RPS6KC1: variants seen among roughly 807,000 people sequenced by gnomAD.
RPS6KC1 encodes the protein ribosomal protein S6 kinase C1.
Under a neutral mutation model 103.8 loss-of-function variants are expected in RPS6KC1, and 54 were observed. That is an observed-to-expected ratio of 0.52 (90% CI 0.42 to 0.65). RPS6KC1 has a LOEUF of 0.65. Ranked by LOEUF, RPS6KC1 falls within the 30% of genes least tolerant of loss-of-function variation. The pLI, the probability that RPS6KC1 is intolerant of heterozygous loss-of-function variation, is 0.00. For synonymous variants in RPS6KC1, 439 were observed against 438.7 expected, an observed-to-expected ratio of 1.00 and a Z score of -0.01; for missense variants, 1,151 against 1,253.8, an observed-to-expected ratio of 0.92 and a Z score of 1.24.
chr1:213,335,095 C>A, the RPS6KC1 span, among the ~76,000 whole-genome samples: 2 of 152,196 alleles, frequency 1.3e-5, no homozygotes, highest in South Asian at 4.1e-4. Context: ...CCATTTTGCA[C>A]ATGTGGGAGC....
At chr1:213,070,912 T>G (rs1391116945) in intron 1 of RPS6KC1, 94 bp from the exon 2 acceptor site, 1 of 782,006 alleles carries the variant, frequency 1.3e-6, no homozygotes, top group Admixed American at 3.3e-5. Flanking sequence ...GCAAATTGAA[T>G]TTTTCATACA....
chr1:213,642,320 T>C, the RPS6KC1 span, among the ~76,000 whole-genome samples: 1 of 152,146 alleles, frequency 6.6e-6, no homozygotes, highest in Admixed American at 6.6e-5. Flanking sequence ...TGCATTCAAT[T>C]GAAGGAAAAG....
At chr1:213,675,441 G>A in the RPS6KC1 span, among the ~76,000 whole-genome samples, 3 of 152,112 alleles carry the variant, frequency 2.0e-5, no homozygotes, top group African/African-American at 7.2e-5. Flanking sequence ...GTTAATTTTG[G>A]CATGTATATG....
chr1:213,624,614 T>C, the RPS6KC1 span, among the ~76,000 whole-genome samples: 5 of 152,118 alleles, frequency 3.3e-5, no homozygotes, highest in Admixed American at 1.3e-4. Flanking sequence ...TGGTCAGGCC[T>C]GGGCTGGGGA....
intron 6 of RPS6KC1, among the ~76,000 whole-genome samples, chr1:213,162,022 G>T (rs1037295374): frequency 6.6e-6 from 1 of 152,144 alleles, no homozygotes; most frequent in Non-Finnish European, 1.5e-5. Context: ...CATAATTTAT[G>T]TGGAGTTTCA....
chr1:213,520,529 A>T, the RPS6KC1 span, among the ~76,000 whole-genome samples: 4 of 152,204 alleles, frequency 2.6e-5, no homozygotes, highest in East Asian at 7.7e-4. Flanking sequence ...GGAGGGACAC[A>T]TGGGTAAGAA....
At chr1:213,671,175 A>G in the RPS6KC1 span, among the ~76,000 whole-genome samples, 1 of 152,250 alleles carries the variant, frequency 6.6e-6, no homozygotes, top group African/African-American at 2.4e-5. Flanking sequence ...TACATACACA[A>G]TGGAATAGTA....
At chr1:213,424,912 T>C in the RPS6KC1 span, among the ~76,000 whole-genome samples, 1 of 152,146 alleles carries the variant, frequency 6.6e-6, no homozygotes, top group South Asian at 2.1e-4. Flanking sequence ...CTCAGGCCTG[T>C]CCCTCAGCTT....
intron 8 of RPS6KC1, among the ~76,000 whole-genome samples, chr1:213,195,011 G>A (rs1558513986): frequency 6.6e-6 from 1 of 152,216 alleles, no homozygotes; most frequent in Non-Finnish European, 1.5e-5. Flanking sequence ...AGAGATGGTG[G>A]AGGAGAGAAG....
At chr1:213,179,487 T>C (rs954986038) in intron 8 of RPS6KC1, among the ~76,000 whole-genome samples, 1 of 152,108 alleles carries the variant, frequency 6.6e-6, no homozygotes, top group Non-Finnish European at 1.5e-5. Flanking sequence ...GATAAGTTAC[T>C]TTCTGTTGTA....
At chr1:213,128,587 C>T (rs186036234) in intron 5 of RPS6KC1, among the ~76,000 whole-genome samples, 209 of 152,282 alleles carry the variant, frequency 1.4e-3, no homozygotes, top group Non-Finnish European at 2.5e-3. Context: ...CTAAATAATT[C>T]AGTAGCACCT....
chr1:213,251,102 CTTTTTTTTTTTTTT>C (rs1235280521), intron 12 of RPS6KC1, among the ~76,000 whole-genome samples: 1 of 100,210 alleles, frequency 1.0e-5, no homozygotes, highest in Non-Finnish European at 2.0e-5. Flanking sequence ...GGTTTTTCAG[CTTTTTTTTTTTTTT>C]TTTTTTTTGA....
chr1:213,569,888 T>C, the RPS6KC1 span, among the ~76,000 whole-genome samples: 2 of 152,206 alleles, frequency 1.3e-5, no homozygotes, highest in Non-Finnish European at 1.5e-5. Context: ...GCCTGCTGCC[T>C]CAAGGAGATC....
intron 7 of RPS6KC1, among the ~76,000 whole-genome samples, chr1:213,171,828 C>T (rs1021602169): frequency 7.2e-5 from 11 of 152,028 alleles, no homozygotes; most frequent in African/African-American, 1.2e-4. Flanking sequence ...GCTCAGGAGA[C>T]GGGGTATTAG....
the RPS6KC1 span, among the ~76,000 whole-genome samples, chr1:213,812,901 G>C: frequency 6.6e-6 from 1 of 152,152 alleles, no homozygotes; most frequent in Non-Finnish European, 1.5e-5. Flanking sequence ...TTGAGTTGAG[G>C]AGGTTAAGAA....
chr1:213,299,006 T>G, the RPS6KC1 span, among the ~76,000 whole-genome samples: 1 of 152,210 alleles, frequency 6.6e-6, no homozygotes, highest in African/African-American at 2.4e-5. Flanking sequence ...ACCTGAAGTC[T>G]TCTTCACTCA....
At chr1:213,645,557 C>A in the RPS6KC1 span, among the ~76,000 whole-genome samples, 4 of 152,030 alleles carry the variant, frequency 2.6e-5, no homozygotes, top group Non-Finnish European at 5.9e-5. Flanking sequence ...ATCCCCCTAC[C>A]CCATGTCACC....
At chr1:213,070,073 T>C (rs1317293051) in intron 1 of RPS6KC1, among the ~76,000 whole-genome samples, 1 of 152,248 alleles carries the variant, frequency 6.6e-6, no homozygotes, top group Non-Finnish European at 1.5e-5. Flanking sequence ...TATATTACTT[T>C]TGTTTTCTTC....
At chr1:213,162,347 C>T (rs1466752088) in intron 6 of RPS6KC1, among the ~76,000 whole-genome samples, 1 of 152,118 alleles carries the variant, frequency 6.6e-6, no homozygotes, top group Non-Finnish European at 1.5e-5. Context: ...GTGGTGCCAT[C>T]ACAGCTCATT....
Sources: allele counts gnomAD v4.1 joint callset (sites outside exome capture counted in the v4.1 genomes callset), GRCh38; gene constraint gnomAD v4.1.1; transcripts MANE v1.5; gene names NCBI Gene and HGNC (gene_info 2026-07-23, HGNC 2026-07-21).